AFDN: variants seen among roughly 807,000 people sequenced by gnomAD.
AFDN encodes afadin, adherens junction formation factor.
In AFDN, 68 loss-of-function variants were observed where a neutral mutation model predicts 216.6. The observed-to-expected ratio is 0.31, with a 90% CI of 0.26 to 0.38. The LOEUF is 0.38. Ranked by LOEUF, AFDN falls within the 10% of genes least tolerant of loss-of-function variation. The pLI, the probability that AFDN is intolerant of heterozygous loss-of-function variation, is 1.00. For missense variants in AFDN, 2,136 were observed against 2,342.0 expected (o/e 0.91, Z 1.82); for synonymous variants, 868 against 853.7 (o/e 1.02, Z -0.29).
intron 2 of AFDN, 103 bp downstream of exon 2, chr6:167,864,849 A>G (rs1554284780): frequency 8.4e-7 from 1 of 1,184,460 alleles, no homozygotes; most frequent in South Asian, 1.2e-5. Context: ...GCTCGTCTCC[A>G]TCTTTCTTCT....
chr6:167,927,882 C>A (rs1562689887), intron 23 of AFDN, among the ~76,000 whole-genome samples: 2 of 152,294 alleles, frequency 1.3e-5, no homozygotes, highest in Middle Eastern at 3.4e-3. Context: ...TCTTTGCTTA[C>A]CGACTGAGTC....
chr6:167,964,855 CTTAT>C, intron 31 of AFDN: 1 of 1,065,536 alleles, frequency 9.4e-7, no homozygotes, highest in Non-Finnish European at 1.1e-6. Context: ...CATCCCCCTT[CTTAT>C]TTACTTTTTT....
chr6:167,924,008 GAAAAACAAGT>G (rs1792169928), intron 22 of AFDN, among the ~76,000 whole-genome samples: 1 of 151,802 alleles, frequency 6.6e-6, no homozygotes, highest in South Asian at 2.1e-4. Context: ...CAATTTTGTG[GAAAAACAAGT>G]ACCTTCTAGG....
chr6:167,844,849 CTTTTTTTTTTTT>C (rs67495555), intron 1 of AFDN, among the ~76,000 whole-genome samples: 3 of 127,716 alleles, frequency 2.3e-5, no homozygotes, highest in Non-Finnish European at 4.9e-5. Flanking sequence ...CTTTTCTTTT[CTTTTTTTTTTTT>C]TTTTTTTTTG....
chr6:167,860,750 T>C lies in AFDN; in HGVS notation c.106-3801T>C, dbSNP rs751512749. Among the ~76,000 whole-genome samples, 213 of 152,118 alleles carry C rather than the reference T, an allele frequency of 1.4e-3. 1 individual carries two copies. The highest frequency in any genetic ancestry group is 2.2e-3 in the Non-Finnish European group (150 of 68,000). On this transcript the variant is annotated intron_variant, in intron 1 of 33. Coordinates refer to ENST00000683244, the MANE Select transcript of AFDN (RefSeq NM_001386888.1). ...AGATGTCTAGACGTGGTGGATGAGGTTGATTAGGCACTGTGTGGGGCGTGA... is the reference window on the plus strand; with the variant it reads ...AGATGTCTAGACGTGGTGGATGAGGCTGATTAGGCACTGTGTGGGGCGTGA...
At chr6:167,868,363 T>C (rs944263152) in intron 2 of AFDN, among the ~76,000 whole-genome samples, 3 of 152,176 alleles carry the variant, frequency 2.0e-5, no homozygotes, top group Non-Finnish European at 2.9e-5. Flanking sequence ...CTGGGCAACA[T>C]AGTGAGACCC....
chr6:167,877,713 T>C (rs1295671865), intron 5 of AFDN, among the ~76,000 whole-genome samples: 4 of 152,216 alleles, frequency 2.6e-5, no homozygotes, highest in Admixed American at 2.0e-4. Flanking sequence ...ACTGCAGCTA[T>C]CAGCTTAGCT....
intron 30 of AFDN, among the ~76,000 whole-genome samples, chr6:167,957,600 G>A (rs746271174): frequency 9.9e-5 from 15 of 152,194 alleles, no homozygotes; most frequent in Non-Finnish European, 2.1e-4. Flanking sequence ...CCATTGTGTC[G>A]TTAGGGCTTT....
At chr6:167,922,805 A>G in intron 21 of AFDN, 51 bp from the exon 22 acceptor site, 1 of 1,263,890 alleles carries the variant, frequency 7.9e-7, no homozygotes, top group African/African-American at 1.5e-5. Flanking sequence ...TGCTTCCTTT[A>G]TCTTGACAAG....
rs1795002691 is a variant in AFDN at position 167,944,115 on chromosome 6, C to T, written c.3358+56C>T. Reference sequence around the variant, plus strand: ...TACAGTCATGGCCTCTTTGAATGGTCACAAAACCCCCATGGAGGAGGTACT... The same window carrying T: ...TACAGTCATGGCCTCTTTGAATGGTTACAAAACCCCCATGGAGGAGGTACT... On this transcript the variant is annotated intron_variant, in intron 26 of 33. Transcript: ENST00000683244. 19 of 1,346,002 alleles carry T rather than the reference C, an allele frequency of 1.4e-5. No individual in the cohort carries two copies. In the South Asian group the frequency reaches 2.3e-4, roughly 16 times the overall value. 83.4% of individuals were successfully genotyped at this position (1,346,002 alleles called of 1,614,324 possible). A position where few individuals can be genotyped will look rare whatever the true frequency, so the allele number is the denominator to read the frequency against.
At chr6:167,838,576 A>G (rs1022939425) in intron 1 of AFDN, among the ~76,000 whole-genome samples, 13 of 152,314 alleles carry the variant, frequency 8.5e-5, no homozygotes, top group East Asian at 3.9e-4. Context: ...AATTTTAACA[A>G]TCTTCGAGAG....
intron 22 of AFDN, 109 bp from the exon 23 acceptor site, chr6:167,924,896 C>G: frequency 1.2e-6 from 1 of 815,262 alleles, no homozygotes; most frequent in Non-Finnish European, 2.2e-6. Flanking sequence ...CATCCTTTTT[C>G]TTTCCCCATT....
intron 29 of AFDN, among the ~76,000 whole-genome samples, chr6:167,949,957 G>A (rs1031156199): frequency 2.0e-5 from 3 of 152,146 alleles, no homozygotes; most frequent in East Asian, 3.9e-4. Flanking sequence ...GGTGGAGAGT[G>A]CGAGCCAGCA....
At position 167,854,484 on chromosome 6, in the gene AFDN, T is replaced by G. The variant is rs1782677365; in HGVS notation, c.106-10067T>G. Among the ~76,000 whole-genome samples the G allele has an allele frequency of 1.3e-5, 2 of 152,066 alleles. 1 individual carries two copies. The highest frequency in any genetic ancestry group is 4.1e-4 in the South Asian group (2 of 4,836). Reference sequence around the variant, plus strand: ...TTATTAACATTTCTTTAATTGACTTTGGATTTCAAGTCATGGTTAGGAAGC... The same window carrying G: ...TTATTAACATTTCTTTAATTGACTTGGGATTTCAAGTCATGGTTAGGAAGC... On this transcript the variant is annotated intron_variant, in intron 1 of 33. Coordinates refer to ENST00000683244, the MANE Select transcript of AFDN (RefSeq NM_001386888.1).
intron 9 of AFDN, among the ~76,000 whole-genome samples, chr6:167,894,840 G>C (rs141938201): frequency 6.6e-6 from 1 of 152,172 alleles, no homozygotes; most frequent in Non-Finnish European, 1.5e-5. Context: ...CCTTTCAGAA[G>C]CATTCAGAAT....
chr6:167,964,648 G>A, intron 31 of AFDN: 1 of 1,063,054 alleles, frequency 9.4e-7, no homozygotes, highest in Non-Finnish European at 1.1e-6. Context: ...GTGTGTGTGT[G>A]TGTGTGTGTG....
chr6:167,905,830 A>C (rs1436180104), intron 12 of AFDN, among the ~76,000 whole-genome samples: 2 of 152,078 alleles, frequency 1.3e-5, no homozygotes, highest in Non-Finnish European at 2.9e-5. Context: ...TATGGGCCGG[A>C]TGTGGTGGCT....
intron 23 of AFDN, among the ~76,000 whole-genome samples, chr6:167,942,012 A>T (rs1196490114): frequency 6.6e-6 from 1 of 152,184 alleles, no homozygotes; most frequent in African/African-American, 2.4e-5. Context: ...TTAAAATGAG[A>T]TATGTAATGG....
At chr6:167,901,874 C>T (rs142761117) in intron 11 of AFDN, among the ~76,000 whole-genome samples, 1,545 of 151,826 alleles carry the variant, frequency 0.01, 30 homozygotes, top group African/African-American at 0.036. Flanking sequence ...GGGCGGATCA[C>T]CTGAGGTCAG....
Sources: allele counts gnomAD v4.1 joint callset (sites outside exome capture counted in the v4.1 genomes callset), GRCh38; gene constraint gnomAD v4.1.1; transcripts MANE v1.5; gene names NCBI Gene and HGNC (gene_info 2026-07-23, HGNC 2026-07-21).